NOL4L: variants seen among roughly 807,000 people sequenced by gnomAD.
NOL4L encodes nucleolar protein 4-like.
A neutral mutation model predicts 64.5 loss-of-function variants in NOL4L; 7 were observed. The ratio of observed to expected loss-of-function variants is 0.11; its 90% CI spans 0.06 to 0.20. NOL4L has a LOEUF of 0.20. Ranked by LOEUF, NOL4L falls within the 10% of genes least tolerant of loss-of-function variation. NOL4L has a pLI of 1.00. For missense variants in NOL4L, 680 were observed against 967.1 expected (o/e 0.70, Z 3.94); for synonymous variants, 413 against 401.0 (o/e 1.03, Z -0.36).
chr20:32,541,725 C>T (rs2018659387), intron 1 of NOL4L, among the ~76,000 whole-genome samples: 2 of 152,272 alleles, frequency 1.3e-5, no homozygotes, highest in South Asian at 2.1e-4. Flanking sequence ...CCGCGGCACC[C>T]GCGCTGAGCT....
intron 1 of NOL4L, among the ~76,000 whole-genome samples, chr20:32,575,838 ACTGGGTGATCAAGGAGGCCCTCT>A (rs1980068182): frequency 6.6e-6 from 1 of 152,224 alleles, no homozygotes; most frequent in Non-Finnish European, 1.5e-5. Context: ...GGTGGGCCTC[ACTGGGTGATCAAGGAGGCCCTCT>A]CTGAGCAGGT....
At chr20:32,517,771 G>T (rs1009017046) in intron 3 of NOL4L, among the ~76,000 whole-genome samples, 3 of 152,216 alleles carry the variant, frequency 2.0e-5, no homozygotes, top group Non-Finnish European at 2.9e-5. Context: ...AGGAGGCAGG[G>T]TGATGCTCCC....
intron 2 of NOL4L, among the ~76,000 whole-genome samples, chr20:32,524,277 G>A (rs1165177905): frequency 7.9e-5 from 12 of 151,870 alleles, no homozygotes; most frequent in Admixed American, 7.9e-4. Flanking sequence ...CTGCACCTCA[G>A]GTCACACTGA....
rs758705851 is a variant in NOL4L, at chr20:32,456,316, G to A, written c.921C>T (p.Asp307=). Residue 307 remains aspartate (D), a synonymous_variant, in exon 6 of 11, where the codon GAC becomes GAT. Transcript: ENST00000621426. ...NPSTSSSTQG[D]PAFPEMNGNG... Reference sequence around the variant, plus strand: ...TGCCATTCATCTCGGGGAAGGCAGGGTCGCCCTGCGTGCTGCTCGACGTGG... The same window carrying A: ...TGCCATTCATCTCGGGGAAGGCAGGATCGCCCTGCGTGCTGCTCGACGTGG... 2 of 1,570,642 alleles carry A rather than the reference G, an allele frequency of 1.3e-6. No homozygotes were observed. Among genetic ancestry groups the A allele is most frequent in the South Asian group, 2.3e-5 (2 of 85,342 alleles).
chr20:32,455,179 T>C (rs1479517494), intron 6 of NOL4L, among the ~76,000 whole-genome samples: 1 of 152,166 alleles, frequency 6.6e-6, no homozygotes, highest in Non-Finnish European at 1.5e-5. Flanking sequence ...TGCTCTCATC[T>C]CACTTCCCTG....
intron 1 of NOL4L, chr20:32,582,082 G>A (rs933020729): frequency 6.6e-6 from 1 of 152,242 alleles, no homozygotes; most frequent in South Asian, 2.1e-4. Context: ...GGAGATGGGG[G>A]TGGCATCTCC....
Position 32,453,847 on chromosome 20 carries a change from CCAGGGTGG to C in NOL4L, c.1120-94_1120-87del. On this transcript the variant is annotated intron_variant, in intron 6 of 10. Coordinates refer to ENST00000621426, the MANE Select transcript of NOL4L (RefSeq NM_001256798.2). The surrounding 1 kb of genome is among the most constrained non-coding windows in gnomAD (Gnocchi z 5.6). ...CTCCTACAGGCGGTGAGCTTGGGGA[CCAGGGTGG>C]CACGCATGCCCTGCTGCCACGAGAG... 1 of 1,335,518 alleles carries C rather than the reference CCAGGGTGG, an allele frequency of 7.5e-7. No homozygotes were observed. Among genetic ancestry groups the C allele is most frequent in the African/African-American group, 1.5e-5 (1 of 68,778 alleles). 82.7% of individuals were successfully genotyped at this position (1,335,518 alleles called of 1,614,324 possible). A position where few individuals can be genotyped will look rare whatever the true frequency, so the allele number is the denominator to read the frequency against.
intron 1 of NOL4L, among the ~76,000 whole-genome samples, chr20:32,574,549 C>T (rs951971522): frequency 4.6e-5 from 7 of 152,148 alleles, no homozygotes; most frequent in Middle Eastern, 3.2e-3. Flanking sequence ...GGCCGGAGGC[C>T]CGATTGTGTT....
At chr20:32,523,140 G>T (rs2018003833) in intron 2 of NOL4L, among the ~76,000 whole-genome samples, 1 of 152,188 alleles carries the variant, frequency 6.6e-6, no homozygotes, top group Admixed American at 6.5e-5. Flanking sequence ...GTGTGCAAAG[G>T]CTGGCTGGCG....
At chr20:32,469,363 T>C (rs1193805772) in intron 5 of NOL4L, among the ~76,000 whole-genome samples, 1 of 37,032 alleles carries the variant, frequency 2.7e-5, no homozygotes, top group Non-Finnish European at 4.0e-5. Context: ...ATTTTTCTAT[T>C]TTTTTTTCTT....
intron 4 of NOL4L, chr20:32,510,010 A>G (rs2017324045): frequency 4.3e-6 from 5 of 1,175,600 alleles, no homozygotes; most frequent in Non-Finnish European, 5.7e-6. Flanking sequence ...GAGGCTGCAC[A>G]GTGGTGCTGG....
At chr20:32,496,468 G>A (rs1033401045) in intron 4 of NOL4L, among the ~76,000 whole-genome samples, 2 of 152,126 alleles carry the variant, frequency 1.3e-5, no homozygotes, top group East Asian at 1.9e-4. Flanking sequence ...ATTCACTGTG[G>A]TATCTTCCGT....
chr20:32,548,874 G>A (rs935559015), intron 1 of NOL4L: 12 of 448,288 alleles, frequency 2.7e-5, no homozygotes, highest in Admixed American at 4.9e-5. Flanking sequence ...CCATAAAATT[G>A]AATACTACAC....
In NOL4L at chr20:32,447,651, G is replaced by A; in HGVS notation, c.1988C>T (p.Ala663Val). 4 of 1,611,326 alleles carry A rather than the reference G, an allele frequency of 2.5e-6. No homozygotes were observed. Among genetic ancestry groups the A allele is most frequent in the Non-Finnish European group, 2.5e-6 (3 of 1,179,936 alleles). The change falls in exon 11 of 11, where the codon GCC becomes GTC. Residue 663 changes from alanine (A) to valine (V), a missense_variant. This residue lies in a region of NOL4L where 175 missense variants were observed against 227.0 expected (regional missense o/e 0.77). Transcript: ENST00000621426. ...TTCATCTGCAGAGCGCAGCAGGAAG[G>A]CAGCAGACTCCCGGTAGCCCGCGAT... The part of the protein sequence containing the change: ...QLIAGYRESA[A>V]FLLRSADELE...
intron 1 of NOL4L, among the ~76,000 whole-genome samples, chr20:32,578,521 G>T (rs986905587): frequency 1.3e-5 from 2 of 152,182 alleles, no homozygotes; most frequent in African/African-American, 4.8e-5. Flanking sequence ...GAGTAGCTGG[G>T]ACTACGGGTG....
At position 32,488,746 on chromosome 20, in the gene NOL4L, TTTTC is replaced by T. The variant is rs1409461687; in HGVS notation, c.700-14008_700-14005del. 8.0e-4 allele frequency among the ~76,000 whole-genome samples: 111 copies of T among 138,896 alleles called. No homozygotes were observed. The East Asian group carries it at 8.3e-3, about 10-fold the overall frequency. 91.1% of individuals were successfully genotyped at this position (138,896 alleles called of 152,430 possible). ...TTTCTTTCTTTCTTTTCTTTCTTTC[TTTTC>T]CTTCCTTCCTTCCTTCCTTCCTTCC... On this transcript the variant is annotated intron_variant, in intron 4 of 10. Transcript: ENST00000621426.
chr20:32,480,260 T>C (rs1365443518), intron 4 of NOL4L, among the ~76,000 whole-genome samples: 8 of 152,132 alleles, frequency 5.3e-5, no homozygotes. Flanking sequence ...TACAGCTTGC[T>C]TGAGAAAGAA....
chr20:32,490,692 CT>C (rs1191021009), intron 4 of NOL4L, among the ~76,000 whole-genome samples: 4 of 152,166 alleles, frequency 2.6e-5, no homozygotes, highest in African/African-American at 4.8e-5. Flanking sequence ...CTAACTGAGC[CT>C]GACTTGTTGA....
At chr20:32,465,275 C>T (rs2014444534) in intron 5 of NOL4L, 1 of 421,718 alleles carries the variant, frequency 2.4e-6, no homozygotes. Context: ...GGGGAAGTCA[C>T]CGACCCATCA....
Sources: allele counts gnomAD v4.1 joint callset (sites outside exome capture counted in the v4.1 genomes callset), GRCh38; gene constraint gnomAD v4.1.1; regional missense constraint gnomAD v4.1.1; non-coding constraint Gnocchi (gnomAD v3.1); transcripts MANE v1.5; gene names NCBI Gene and HGNC (gene_info 2026-07-23, HGNC 2026-07-21).